The following KLHL13 variants were observed in gnomAD, a reference collection of about 807,000 sequenced individuals.
KLHL13 encodes kelch like family member 13.
In KLHL13, 10 loss-of-function variants were observed where a neutral mutation model predicts 37.1. The ratio of observed to expected loss-of-function variants is 0.27; its 90% confidence interval spans 0.17 to 0.46. The LOEUF is 0.46. KLHL13 is among the 20% of genes least tolerant of loss of function. The probability of loss-of-function intolerance (pLI) is 1.00; values close to 1 mark genes in which losing one functional copy is unlikely to be tolerated. For synonymous variants in KLHL13, 163 were observed against 181.2 expected, an observed-to-expected ratio of 0.90 and a Z score of 0.81; for missense variants, 360 against 509.3, an observed-to-expected ratio of 0.71 and a Z score of 2.82.
At position 117,904,459 on chromosome X, in the gene KLHL13, G is replaced by A. The variant is rs1309296110; in HGVS notation, c.1367-2513C>T. Among the ~76,000 whole-genome samples, 9 of 111,184 alleles carry A rather than the reference G, an allele frequency of 8.1e-5. No individual in the cohort carries two copies. In the South Asian group the frequency reaches 3.0e-3, roughly 38 times the overall value. The stretch of plus-strand genomic sequence containing the variant: ...GGAGCCACAAAGCAGTGCTTCAATC[G>A]TAGTCTATAAGAGTTGGAAATGGTA... On this transcript the variant is annotated intron_variant, in intron 5 of 6. Transcript: ENST00000262820.
chrX:117,999,168 T>C (rs1417803118), intron 1 of KLHL13, among the ~76,000 whole-genome samples: 1 of 111,086 alleles, frequency 9.0e-6, no homozygotes, highest in African/African-American at 3.3e-5. Context: ...AGAAATACCA[T>C]TTGACCCAGC....
At chrX:117,980,119 G>A (rs932656294) in intron 1 of KLHL13, among the ~76,000 whole-genome samples, 1 of 111,616 alleles carries the variant, frequency 9.0e-6, no homozygotes, top group Non-Finnish European at 1.9e-5. Context: ...AAGCAAGACT[G>A]CCAAAGTGGC....
intron 1 of KLHL13, among the ~76,000 whole-genome samples, chrX:118,060,356 A>T (rs1429349953): frequency 2.7e-5 from 3 of 111,466 alleles, no homozygotes; most frequent in Non-Finnish European, 3.8e-5. Context: ...GTATAAAGGT[A>T]TTGAAAAAGC....
chrX:118,033,261 A>G (rs1219413256), intron 1 of KLHL13, among the ~76,000 whole-genome samples: 11 of 110,919 alleles, frequency 9.9e-5, no homozygotes, highest in East Asian at 2.8e-4. Context: ...GATACTCCTC[A>G]AGAAGAGCAA....
intron 1 of KLHL13, among the ~76,000 whole-genome samples, chrX:118,023,271 T>TA (rs2054239466): frequency 9.0e-6 from 1 of 111,696 alleles, no homozygotes; most frequent in Admixed American, 9.6e-5. Context: ...GAACAACTCT[T>TA]ACATATTACC....
chrX:117,920,484 C>T (rs1017315669), intron 2 of KLHL13, 114 bp from the exon 4 acceptor site: 1 of 749,315 alleles, frequency 1.3e-6, no homozygotes, highest in East Asian at 3.8e-5. Flanking sequence ...AACATAAAGC[C>T]AACAGAATAT....
At chrX:118,078,268 G>A (rs2054948949) in intron 1 of KLHL13, among the ~76,000 whole-genome samples, 1 of 111,233 alleles carries the variant, frequency 9.0e-6, no homozygotes. Context: ...GTTTATTGAG[G>A]TGTAATTTAC....
chrX:118,036,275 C>A (rs781692505), intron 1 of KLHL13, among the ~76,000 whole-genome samples: 1 of 111,018 alleles, frequency 9.0e-6, no homozygotes, highest in African/African-American at 3.3e-5. Context: ...AAAAAGAGCC[C>A]GCATCACCAA....
At chrX:117,984,717 G>A (rs1268163428) in intron 1 of KLHL13, among the ~76,000 whole-genome samples, 1 of 110,727 alleles carries the variant, frequency 9.0e-6, no homozygotes, top group Non-Finnish European at 1.9e-5. Context: ...AGCTATAATA[G>A]GTCAAATTCA....
rs6645423 is a variant in KLHL13, at chrX:117,936,935, A to G, written c.240+8499T>C. Among the ~76,000 whole-genome samples, 649 of 112,143 alleles carry G rather than the reference A, an allele frequency of 5.8e-3. 5 individuals carry two copies. Among genetic ancestry groups the G allele is most frequent in the African/African-American group, 0.018 (558 of 30,901 alleles). ...GCCAGAGAGTATAAATGACATTCCC[A>G]AAGTCACATAACTAGCTAATAAGGG... On this transcript the variant is annotated intron_variant, in intron 2 of 6. Transcript: ENST00000262820.
chrX:118,112,363 C>A (rs1181806219), intron 1 of KLHL13, among the ~76,000 whole-genome samples: 1 of 111,347 alleles, frequency 9.0e-6, no homozygotes, highest in Non-Finnish European at 1.9e-5. Flanking sequence ...GGGGAGATGG[C>A]CAGGCATCAA....
chrX:118,041,950 G>A (rs942054759), intron 1 of KLHL13, among the ~76,000 whole-genome samples: 6 of 111,564 alleles, frequency 5.4e-5, no homozygotes, highest in Non-Finnish European at 1.1e-4. Context: ...CCAAAGATCT[G>A]TTGCCTACAA....
intron 1 of KLHL13, among the ~76,000 whole-genome samples, chrX:118,063,670 T>C (rs1330160781): frequency 8.9e-6 from 1 of 111,949 alleles, no homozygotes. Context: ...AGCATGATTT[T>C]GGTTGCTCCT....
intron 1 of KLHL13, among the ~76,000 whole-genome samples, chrX:118,026,635 G>A (rs1402806654): frequency 8.9e-6 from 1 of 112,058 alleles, no homozygotes; most frequent in African/African-American, 3.2e-5. Context: ...ATGAGATGAT[G>A]TTAAAGATGA....
chrX:118,051,547 A>C (rs2148072949), intron 1 of KLHL13, among the ~76,000 whole-genome samples: 1 of 110,835 alleles, frequency 9.0e-6, no homozygotes, highest in East Asian at 2.8e-4. Context: ...TCTCAAAAAA[A>C]GTAATAAATA....
chrX:118,065,177 G>T (rs1030914167), intron 1 of KLHL13, among the ~76,000 whole-genome samples: 1 of 111,588 alleles, frequency 9.0e-6, no homozygotes, highest in Non-Finnish European at 1.9e-5. Context: ...AGTAATAAAA[G>T]AATAGTCATC....
At chrX:117,952,996 G>A (rs1289130019) in intron 1 of KLHL13, among the ~76,000 whole-genome samples, 1 of 111,446 alleles carries the variant, frequency 9.0e-6, no homozygotes, top group Non-Finnish European at 1.9e-5. Flanking sequence ...AGTCAGTGTG[G>A]GGATTCTTCA....
chrX:118,061,530 A>G (rs1375416618), intron 1 of KLHL13, among the ~76,000 whole-genome samples: 2 of 111,975 alleles, frequency 1.8e-5, no homozygotes, highest in African/African-American at 6.5e-5. Flanking sequence ...AATTTAGGAC[A>G]AAGTCTTTAC....
chrX:118,021,074 C>T (rs750930459), intron 1 of KLHL13, among the ~76,000 whole-genome samples: 42 of 102,585 alleles, frequency 4.1e-4, no homozygotes, highest in African/African-American at 9.5e-4. Flanking sequence ...TGCACCAGCA[C>T]GGCACATGTA....
Sources: allele counts gnomAD v4.1 joint callset (sites outside exome capture counted in the v4.1 genomes callset), GRCh38; gene constraint gnomAD v4.1.1; transcripts MANE v1.5; gene names NCBI Gene and HGNC (gene_info 2026-07-23, HGNC 2026-07-21).